TEP1: variants seen among roughly 807,000 people sequenced by gnomAD.
TEP1 encodes the protein telomerase protein component 1.
TEP1 carries 241 observed loss-of-function variants against 306.3 expected under a neutral mutation model. The observed-to-expected ratio is 0.79, with a 90% CI of 0.71 to 0.88. The LOEUF (loss-of-function observed/expected upper bound fraction) is 0.88. TEP1 is among the 40% of genes least tolerant of loss of function. The pLI is 0.00. For synonymous variants in TEP1, 1,289 were observed against 1,305.5 expected (o/e 0.99, Z 0.27); for missense variants, 3,051 against 3,276.1 (o/e 0.93, Z 1.68).
At chr14:20,384,274 C>T in intron 23 of TEP1, 42 bp from the exon 24 acceptor site, 2 of 1,609,306 alleles carry the variant, frequency 1.2e-6, no homozygotes, top group Middle Eastern at 1.7e-4. Context: ...GTGCCATGCT[C>T]CTCAGCACTC....
At chr14:20,399,632 TAAAAAAAA>T (rs71416944) in intron 9 of TEP1, among the ~76,000 whole-genome samples, 1 of 78,612 alleles carries the variant, frequency 1.3e-5, no homozygotes, top group African/African-American at 5.9e-5. Context: ...CCCTGTTTCT[TAAAAAAAA>T]AAAAAAAAAA....
chr14:20,373,637 A>G, intron 45 of TEP1, 41 bp downstream of exon 45: 1 of 1,614,134 alleles, frequency 6.2e-7, no homozygotes, highest in Non-Finnish European at 8.5e-7. Flanking sequence ...GGGAGAAAAG[A>G]AGAGACAGCA....
chr14:20,384,616 C>T lies in TEP1; in HGVS notation c.3205G>A (p.Gly1069Arg). ...TCAGCTCACCTGCGGCAGGTGATCC[C>T]TTTCTGTCTGCTTAGGTAGCTCTTC... The part of the protein sequence containing the change: ...ELKSYLSRQK[G>R]ITCRRYPCEW... Residue 1069 changes from glycine (G) to arginine (R), a missense_variant, in exon 22 of 55, where the codon GGG becomes AGG. This residue lies in a region of TEP1 where 1,507 missense variants were observed against 1,550.5 expected (regional missense o/e 0.97). Transcript: ENST00000262715. 5 of 1,614,096 alleles carry T rather than the reference C, an allele frequency of 3.1e-6. No individual in the cohort carries two copies. Among genetic ancestry groups the T allele is most frequent in the Admixed American group, 1.7e-5 (1 of 60,022 alleles).
chr14:20,403,280 AAGAAAGTATTTTCAACCCTAAT>A, intron 7 of TEP1, 75 bp downstream of exon 7: 1 of 1,467,014 alleles, frequency 6.8e-7, no homozygotes. Context: ...AATCCCCAGG[AAGAAAGTATTTTCAACCCTAAT>A]AGAATTTTGT....
At position 20,396,699 on chromosome 14, in the gene TEP1, A is replaced by C. The variant is rs1274048600; in HGVS notation, c.1581T>G (p.Leu527=). 1 of 1,611,270 alleles carries C rather than the reference A, an allele frequency of 6.2e-7. No individual in the cohort carries two copies. The highest frequency in any genetic ancestry group is 8.5e-7 in the Non-Finnish European group (1 of 1,177,912). The change falls in exon 10 of 55, where the codon CTT becomes CTG. Residue 527 remains leucine, a synonymous_variant. Transcript: ENST00000262715. ...ENGKLPFMAM[L]RNLCNLLRVG... ...CCCGCAGCAGGTTGCACAGGTTCCG[A>C]AGCATGGCCATGAAGGGAAGCTTCC...
At position 20,395,896 on chromosome 14, in the gene TEP1, A is replaced by G. The variant is rs936015291; in HGVS notation, c.1713T>C (p.Asp571=). The G allele has an allele frequency of 1.5e-5, 25 of 1,614,014 alleles. No individual in the cohort carries two copies. Among genetic ancestry groups the G allele is most frequent in the Non-Finnish European group, 1.9e-5 (23 of 1,180,008 alleles). The change falls in exon 11 of 55, where the codon GAT becomes GAC. Residue 571 remains aspartate, a synonymous_variant. Coordinates refer to ENST00000262715, the MANE Select transcript of TEP1 (RefSeq NM_007110.5). ...GTTGAGCCTCGAGGGCATCAATGGC[A>G]TCATGGGCGTTAAGAAATCTGAATG... ...QFPFRFLNAH[D]AIDALEAQLR... is the part of the protein sequence containing the mutation.
At position 20,406,318 on chromosome 14, in the gene TEP1, T is replaced by C; in HGVS notation, c.650A>G (p.Glu217Gly). 6.2e-7 allele frequency: 1 copy of C among 1,613,074 alleles called. No individual in the cohort carries two copies. The highest frequency in any genetic ancestry group is 1.3e-5 in the African/African-American group (1 of 74,974). Residue 217 changes from glutamate (E) to glycine (G), a missense_variant, in exon 3 of 55, where the codon GAG becomes GGG. By Grantham distance (98) the Glu-to-Gly change is moderately conservative. Around this residue, in one of 3 missense-constraint regions of TEP1, gnomAD observed 1,507 missense variants for 1,550.5 expected, o/e 0.97. Coordinates refer to ENST00000262715, the MANE Select transcript of TEP1 (RefSeq NM_007110.5). ...GAGCTTCACGGCCAGATCCTCCACC[T>C]CCTCCTCCTCTCCCAAGCTCAGACT... ...SYSLSLGEEE[E>G]VEDLAVKLTS... is the part of the protein sequence containing the mutation.
intron 1 of TEP1, among the ~76,000 whole-genome samples, chr14:20,411,266 A>C (rs1879666493): frequency 6.6e-6 from 1 of 152,200 alleles, no homozygotes; most frequent in South Asian, 2.1e-4. Context: ...TCTAACCCTC[A>C]GCACTCTAAG....
chr14:20,368,305 T>G lies in TEP1; in HGVS notation c.*132A>C. The stretch of plus-strand genomic sequence containing the variant: ...CATGAGAACACAGGCAGGCCTACAC[T>G]TGAGATTTTTTGACACTTCATTTTT... On this transcript the variant is annotated 3_prime_UTR_variant, in exon 55 of 55. Transcript: ENST00000262715. 3 of 1,106,592 alleles carry G rather than the reference T, an allele frequency of 2.7e-6. No homozygotes were observed. Among genetic ancestry groups the G allele is most frequent in the Non-Finnish European group, 3.7e-6 (3 of 805,290 alleles). 68.5% of individuals were successfully genotyped at this position (1,106,592 alleles called of 1,614,324 possible).
At chr14:20,374,577 C>T in intron 43 of TEP1, 41 bp from the exon 44 acceptor site, 1 of 1,479,236 alleles carries the variant, frequency 6.8e-7, no homozygotes, top group Non-Finnish European at 9.3e-7. Context: ...TATCAGCATC[C>T]CTCCAGCATT....
chr14:20,368,353 T>A lies in TEP1; in HGVS notation c.*84A>T. ...TTTATAATTATCAAGAAATTATTAATTTTATAATTATTAAAAGCTACCAGT... is the reference window on the plus strand; with the variant it reads ...TTTATAATTATCAAGAAATTATTAAATTTATAATTATTAAAAGCTACCAGT... On this transcript the variant is annotated 3_prime_UTR_variant, in exon 55 of 55. Transcript: ENST00000262715. 7.0e-7 allele frequency: 1 copy of A among 1,433,822 alleles called. No homozygotes were observed. Among genetic ancestry groups the A allele is most frequent in the Admixed American group, 2.2e-5 (1 of 45,780 alleles). The allele number at this position is 1,433,822 out of a possible 1,614,324, so 88.8% of individuals were successfully genotyped here. A position where few individuals can be genotyped will look rare whatever the true frequency, so the allele number is the denominator to read the frequency against.
intron 21 of TEP1, 120 bp downstream of exon 21, chr14:20,384,865 T>C: frequency 3.3e-6 from 5 of 1,531,442 alleles, no homozygotes; most frequent in Non-Finnish European, 4.4e-6. Flanking sequence ...TGCAAAGGCA[T>C]GCTGAGTCCT....
rs1594369900 is a variant in TEP1 at position 20,401,543 on chromosome 14, A to T, written c.1305T>A (p.Asn435Lys). Reference sequence around the variant, plus strand: ...GCTTCTTCAGGGTGAACCTTGGAGGATTCTTTTTCTCTGACACTGTATCAC... The same window carrying T: ...GCTTCTTCAGGGTGAACCTTGGAGGTTTCTTTTTCTCTGACACTGTATCAC... ...KAGDTVSEKK[N>K]PPRFTLKKLV... is the part of the protein sequence containing the mutation. Residue 435 changes from asparagine (N) to lysine (K), a missense_variant, in exon 8 of 55, where the codon AAT (asparagine) becomes AAA (lysine). Around this residue, in one of 3 missense-constraint regions of TEP1, gnomAD observed 1,507 missense variants for 1,550.5 expected, o/e 0.97. Transcript: ENST00000262715. The T allele has an allele frequency of 1.2e-6, 2 of 1,613,958 alleles. No homozygotes were observed. Among genetic ancestry groups the T allele is most frequent in the Admixed American group, 3.3e-5 (2 of 59,980 alleles).
Position 20,381,517 on chromosome 14 carries a change from ACACTC to A in TEP1, c.4558+31_4558+35del. 1.9e-6 allele frequency: 3 copies of A among 1,612,988 alleles called. No individual in the cohort carries two copies. The highest frequency in any genetic ancestry group is 2.7e-5 in the African/African-American group (2 of 74,952). The stretch of plus-strand genomic sequence containing the variant: ...GTCCTGGCCTCCAGGCCCAAGCCCC[ACACTC>A]AGTGCCCAGGCTGACTTGGGCTGCA... On this transcript the variant is annotated intron_variant, in intron 31 of 54. Transcript: ENST00000262715. This position sits in a 1 kb window ranked among gnomAD's most constrained non-coding sequence, Gnocchi z 4.0.
At chr14:20,410,732 G>A (rs1038491542) in intron 1 of TEP1, among the ~76,000 whole-genome samples, 2 of 144,822 alleles carry the variant, frequency 1.4e-5, no homozygotes, top group Non-Finnish European at 3.0e-5. Context: ...GAGCCACTGT[G>A]CCTGGCGGAC....
At chr14:20,376,502 G>A (rs1885187540) in intron 41 of TEP1, among the ~76,000 whole-genome samples, 1 of 152,176 alleles carries the variant, frequency 6.6e-6, no homozygotes. Flanking sequence ...GCTCAGGCCG[G>A]GAACACAGTT....
chr14:20,408,602 A>G, intron 1 of TEP1, 139 bp from the exon 2 acceptor site: 1 of 696,312 alleles, frequency 1.4e-6, no homozygotes, highest in South Asian at 1.9e-5. Flanking sequence ...TTTTCCCAGG[A>G]CTGGGTTCAT....
chr14:20,393,785 TA>T (rs1232234876), intron 12 of TEP1, among the ~76,000 whole-genome samples: 2,801 of 136,886 alleles, frequency 0.02, 69 homozygotes, highest in African/African-American at 0.062. Context: ...TTGTCTCAAT[TA>T]AAAAAAAAAA....
At chr14:20,402,876 C>T (rs530351081) in intron 7 of TEP1, among the ~76,000 whole-genome samples, 22 of 152,048 alleles carry the variant, frequency 1.4e-4, no homozygotes, top group Non-Finnish European at 3.2e-4. Flanking sequence ...AGTACAATAC[C>T]AGCTGGGTGT....
Sources: gnomAD v4.1 joint callset for allele counts (sites outside exome capture counted in the v4.1 genomes callset) on GRCh38, gnomAD v4.1.1 for gene constraint, gnomAD v4.1.1 regional missense constraint, Gnocchi (gnomAD v3.1) non-coding constraint, MANE v1.5 for transcripts, NCBI Gene and HGNC (gene_info 2026-07-23, HGNC 2026-07-21) for gene names.